The following SCARB2 variants were observed in gnomAD, a reference collection of about 807,000 sequenced individuals.
The protein encoded by SCARB2 is lysosome membrane protein 2.
In SCARB2, 29 loss-of-function variants were observed where a neutral mutation model predicts 58.6. The ratio of observed to expected loss-of-function variants is 0.49; its 90% CI spans 0.37 to 0.67. The LOEUF is 0.67. Among genes scored for constraint, SCARB2 ranks in the 30% least tolerant of loss-of-function variants. SCARB2 has a pLI of 0.00. For synonymous variants in SCARB2, 195 were observed against 210.1 expected (o/e 0.93, Z 0.62); for missense variants, 488 against 578.5 (o/e 0.84, Z 1.60).
chr4:76,205,679 A>G (rs1161308386), intron 1 of SCARB2, among the ~76,000 whole-genome samples: 2 of 152,202 alleles, frequency 1.3e-5, no homozygotes, highest in Non-Finnish European at 2.9e-5. Flanking sequence ...TGAAGGGGCC[A>G]GATGGCTAGG....
chr4:76,202,550 C>T (rs1168234614), intron 1 of SCARB2, among the ~76,000 whole-genome samples: 2 of 152,096 alleles, frequency 1.3e-5, no homozygotes, highest in Admixed American at 6.5e-5. Context: ...TGTGAGCCAC[C>T]GTGCCCAGCC....
chr4:76,203,050 G>A (rs962989585), intron 1 of SCARB2, among the ~76,000 whole-genome samples: 1 of 152,106 alleles, frequency 6.6e-6, no homozygotes, highest in Non-Finnish European at 1.5e-5. Flanking sequence ...GGAATGCAGT[G>A]GTGCAATCTT....
At chr4:76,230,373 A>C (rs1459935603) in intron 1 of SCARB2, among the ~76,000 whole-genome samples, 1 of 152,102 alleles carries the variant, frequency 6.6e-6, no homozygotes, top group Non-Finnish European at 1.5e-5. Context: ...GTGCCCTCCT[A>C]ACAGTGGCAA....
chr4:76,161,677 A>G lies in SCARB2; in HGVS notation c.*36T>C. On this transcript the variant is annotated 3_prime_UTR_variant, in exon 12 of 12. Transcript: ENST00000264896. ...CCCACGTCATCGTCCAGGTCAGGAC[A>G]GCTCACACAGTTTCTTCACCAAGCA... The G allele has an allele frequency of 6.2e-7, 1 of 1,612,298 alleles. No individual in the cohort carries two copies. The highest frequency in any genetic ancestry group is 8.5e-7 in the Non-Finnish European group (1 of 1,178,294).
At chr4:76,170,971 T>TATATATATATAAAA (rs34900504) in intron 7 of SCARB2, among the ~76,000 whole-genome samples, 9 of 133,832 alleles carry the variant, frequency 6.7e-5, no homozygotes, top group Non-Finnish European at 1.6e-5. Context: ...TATATATATA[T>TATATATATATAAAA]AACCAAATAG....
At chr4:76,202,181 G>A (rs1381660111) in intron 1 of SCARB2, among the ~76,000 whole-genome samples, 1 of 152,160 alleles carries the variant, frequency 6.6e-6, no homozygotes, top group Non-Finnish European at 1.5e-5. Context: ...CTACAAATGT[G>A]CAGAAAAAGT....
chr4:76,183,200 C>A (rs1431548653), intron 2 of SCARB2, among the ~76,000 whole-genome samples: 7 of 152,180 alleles, frequency 4.6e-5, no homozygotes, highest in Admixed American at 4.6e-4. Context: ...ACTTCTGAGA[C>A]TTCTGGTCAC....
intron 8 of SCARB2, among the ~76,000 whole-genome samples, 167 bp downstream of exon 8, chr4:76,169,700 C>T (rs922561006): frequency 7.9e-5 from 12 of 152,204 alleles, no homozygotes; most frequent in Non-Finnish European, 1.6e-4. Context: ...CTTCTAATTA[C>T]AGGGCTATGA....
At position 76,188,835 on chromosome 4, in the gene SCARB2, G is replaced by T. The variant is rs984710318; in HGVS notation, c.275+6872C>A. ...AAGCCATGTTTTTCTACAAATCCCAGATCTCACGACCCACTCAGCCCTGTA... is the reference window on the plus strand; with the variant it reads ...AAGCCATGTTTTTCTACAAATCCCATATCTCACGACCCACTCAGCCCTGTA... On this transcript the variant is annotated intron_variant, in intron 2 of 11. Coordinates refer to ENST00000264896, the MANE Select transcript of SCARB2 (RefSeq NM_005506.4). 5.3e-5 allele frequency among the ~76,000 whole-genome samples: 8 copies of T among 152,152 alleles called. No homozygotes were observed. In the South Asian group the frequency reaches 1.7e-3, roughly 32 times the overall value.
chr4:76,228,488 A>G (rs553287605), intron 1 of SCARB2, among the ~76,000 whole-genome samples: 72 of 151,280 alleles, frequency 4.8e-4, no homozygotes, highest in Middle Eastern at 3.4e-3. Context: ...TAAAAAAAAA[A>G]AAAGAAAGAA....
intron 1 of SCARB2, among the ~76,000 whole-genome samples, chr4:76,204,883 A>G (rs969175466): frequency 4.6e-5 from 7 of 152,190 alleles, no homozygotes; most frequent in African/African-American, 1.7e-4. Context: ...GTTGATTATC[A>G]GAAGTACAGT....
chr4:76,229,777 G>A (rs116557578), intron 1 of SCARB2, among the ~76,000 whole-genome samples: 2,210 of 152,338 alleles, frequency 0.015, 29 homozygotes, highest in Non-Finnish European at 0.022. Context: ...GTCCTTGGTT[G>A]TAGATATGCT....
chr4:76,234,044 C>A (rs573229925), intron 1 of SCARB2, among the ~76,000 whole-genome samples: 1 of 152,364 alleles, frequency 6.6e-6, no homozygotes, highest in African/African-American at 2.4e-5. Context: ...TCAGAGATGG[C>A]CTTTCAGGCC....
At chr4:76,181,690 A>C (rs1023571042) in intron 2 of SCARB2, among the ~76,000 whole-genome samples, 6 of 152,018 alleles carry the variant, frequency 3.9e-5, no homozygotes, top group African/African-American at 1.4e-4. Context: ...TCAGCCTCCC[A>C]AGTAGCTAGA....
At chr4:76,182,469 T>G (rs112245270) in intron 2 of SCARB2, among the ~76,000 whole-genome samples, 1 of 152,226 alleles carries the variant, frequency 6.6e-6, no homozygotes, top group Non-Finnish European at 1.5e-5. Context: ...TTTTAAAAAA[T>G]GTGGCTACTA....
upstream of SCARB2, chr4:76,217,636 C>T: frequency 1.5e-6 from 1 of 653,662 alleles, no homozygotes; most frequent in Non-Finnish European, 2.8e-6. Context: ...TGCGTCTTGT[C>T]CAGCCTGCAG....
rs757381866 is a variant in SCARB2 at position 76,163,254 on chromosome 4, C to A, written c.1369G>T (p.Ala457Ser). The change falls in exon 11 of 12, where the codon GCA becomes TCA. Residue 457 changes from alanine to serine, a missense_variant. By Grantham distance (99) the Ala-to-Ser change is moderately conservative (BLOSUM62 1). Coordinates refer to ENST00000264896, the MANE Select transcript of SCARB2 (RefSeq NM_005506.4). Reference sequence around the variant, plus strand: ...TCCATGGATCCCTGTCCTTTGCATGCAAGCCAGGTAAAAACCAAACCAAAG... The same window carrying A: ...TCCATGGATCCCTGTCCTTTGCATGAAAGCCAGGTAAAAACCAAACCAAAG... The part of the protein sequence containing the change: ...VFFGLVFTWL[A>S]CKGQGSMDEG... The A allele has an allele frequency of 6.2e-7, 1 of 1,614,138 alleles. No homozygotes were observed. The highest frequency in any genetic ancestry group is 1.1e-5 in the South Asian group (1 of 91,064).
Position 76,169,896 on chromosome 4 carries a change from C to A in SCARB2, c.1084G>T (p.Asp362Tyr), listed in dbSNP as rs1275505017. 6.2e-7 allele frequency: 1 copy of A among 1,613,928 alleles called. No homozygotes were observed. The highest frequency in any genetic ancestry group is 1.1e-5 in the South Asian group (1 of 91,060). ...TTAATGTCCACAAATGTCTCATGGT[C>A]TTCCTGATTTGGGTGCATGCCTTCT... ...AIEGMHPNQE[D>Y]HETFVDINPL... is the part of the protein sequence containing the mutation. Residue 362 changes from aspartate to tyrosine, a missense_variant, in exon 8 of 12, where the codon GAC (aspartate) becomes TAC (tyrosine). Coordinates refer to ENST00000264896, the MANE Select transcript of SCARB2 (RefSeq NM_005506.4).
upstream of SCARB2, among the ~76,000 whole-genome samples, chr4:76,218,430 A>G (rs913724961): frequency 5.3e-5 from 8 of 152,202 alleles, no homozygotes; most frequent in African/African-American, 1.7e-4. Context: ...TATACCATTT[A>G]TATTATATCA....
Sources: allele counts gnomAD v4.1 joint callset (sites outside exome capture counted in the v4.1 genomes callset), GRCh38; gene constraint gnomAD v4.1.1; transcripts MANE v1.5; gene names NCBI Gene and HGNC (gene_info 2026-07-23, HGNC 2026-07-21).